The following ABCB5 variants were observed in gnomAD, a reference collection of about 807,000 sequenced individuals.
The protein encoded by ABCB5 is ATP-binding cassette sub-family B member 5.
ABCB5 carries 155 observed loss-of-function variants against 144.2 expected under a neutral mutation model. The ratio of observed to expected loss-of-function variants is 1.08; its 90% CI spans 0.94 to 1.23. The LOEUF is 1.23. Among genes scored for constraint, ABCB5 ranks in the 50% most tolerant of loss-of-function variants. ABCB5 has a pLI of 0.00. For missense variants in ABCB5, 1,830 were observed against 1,520.8 expected, an observed-to-expected ratio of 1.20 and a Z score of -3.38; for synonymous variants, 610 against 528.6, an observed-to-expected ratio of 1.15 and a Z score of -2.11.
chr7:20,677,193 T>C (rs1785644521), intron 14 of ABCB5, among the ~76,000 whole-genome samples: 1 of 152,170 alleles, frequency 6.6e-6, no homozygotes, highest in Admixed American at 6.5e-5. Flanking sequence ...TGCTTTTAAA[T>C]TAAAAATATA....
At chr7:20,698,631 C>G (rs1786505319) in intron 17 of ABCB5, 81 bp downstream of exon 17, 1 of 1,374,070 alleles carries the variant, frequency 7.3e-7, no homozygotes, top group African/African-American at 1.5e-5. Flanking sequence ...TCAGTCTAAA[C>G]CACAAGGGGA....
chr7:20,723,159 A>G lies in ABCB5; in HGVS notation c.2565A>G (p.Glu855=). The G allele has an allele frequency of 1.2e-6, 2 of 1,614,192 alleles. No individual in the cohort carries two copies. The highest frequency in any genetic ancestry group is 3.3e-5 in the Admixed American group (2 of 60,022). Residue 855 remains glutamate (E), a synonymous_variant, in exon 21 of 28, where the codon GAA becomes GAG. Transcript: ENST00000404938. ...APVLAVTGMI[E]TAAMTGFANK... ...TACTTGCCGTGACAGGAATGATTGAAACCGCAGCAATGACTGGATTTGCCA... is the reference window on the plus strand; with the variant it reads ...TACTTGCCGTGACAGGAATGATTGAGACCGCAGCAATGACTGGATTTGCCA...
Position 20,643,541 on chromosome 7 carries a change from T to C in ABCB5, c.587T>C (p.Leu196Pro), listed in dbSNP as rs1784339323. ...FQNMSTFSIGLAVGLVKGWKL... is the reference protein window; with the variant it reads ...FQNMSTFSIGPAVGLVKGWKL... ...AACATGTCTACTTTTTCGATTGGCCTGGCAGTTGGTTTGGTGAAGGGCTGG... is the reference window on the plus strand; with the variant it reads ...AACATGTCTACTTTTTCGATTGGCCCGGCAGTTGGTTTGGTGAAGGGCTGG... Residue 196 changes from leucine (L) to proline (P), a missense_variant, in exon 7 of 28, where the codon CTG (leucine) becomes CCG (proline). Coordinates refer to ENST00000404938, the MANE Select transcript of ABCB5 (RefSeq NM_001163941.2). The C allele has an allele frequency of 1.2e-6, 2 of 1,613,908 alleles. No homozygotes were observed. The highest frequency in any genetic ancestry group is 8.5e-7 in the Non-Finnish European group (1 of 1,179,906).
At chr7:20,717,676 A>T (rs1363541234) in intron 20 of ABCB5, among the ~76,000 whole-genome samples, 1 of 151,700 alleles carries the variant, frequency 6.6e-6, no homozygotes, top group Non-Finnish European at 1.5e-5. Flanking sequence ...TGACCTCATG[A>T]TCTGCCCGCC....
At chr7:20,681,397 A>T in intron 14 of ABCB5, 108 bp from the exon 15 acceptor site, 1 of 1,274,122 alleles carries the variant, frequency 7.8e-7, no homozygotes, top group Non-Finnish European at 1.1e-6. Context: ...AAAGTGCTGG[A>T]ATTACAGGCA....
At chr7:20,695,875 A>G (rs942242677) in intron 16 of ABCB5, among the ~76,000 whole-genome samples, 2 of 152,048 alleles carry the variant, frequency 1.3e-5, no homozygotes. Context: ...AGAAATCACT[A>G]TACACCTGTT....
At chr7:20,666,941 T>A in intron 14 of ABCB5, 1 of 1,195,272 alleles carries the variant, frequency 8.4e-7, no homozygotes, top group African/African-American at 1.6e-5. Context: ...CAAAATCTCT[T>A]CTGTGTTTTA....
intron 25 of ABCB5, among the ~76,000 whole-genome samples, chr7:20,743,507 G>A (rs751146660): frequency 3.9e-5 from 6 of 152,102 alleles, no homozygotes; most frequent in African/African-American, 1.2e-4. Flanking sequence ...GCACGGTTAA[G>A]GCTTATTGGA....
chr7:20,633,463 C>A (rs1784083088), intron 5 of ABCB5, among the ~76,000 whole-genome samples: 1 of 151,896 alleles, frequency 6.6e-6, no homozygotes, highest in Non-Finnish European at 1.5e-5. Flanking sequence ...GGCCTTAATT[C>A]TTTTTTTAAT....
At chr7:20,694,416 C>T (rs1444247827) in intron 16 of ABCB5, among the ~76,000 whole-genome samples, 2 of 151,920 alleles carry the variant, frequency 1.3e-5, no homozygotes, top group Non-Finnish European at 2.9e-5. Flanking sequence ...TAAAATACCC[C>T]ATCATTTTTT....
At chr7:20,642,346 C>T (rs964986615) in intron 5 of ABCB5, among the ~76,000 whole-genome samples, 3 of 152,160 alleles carry the variant, frequency 2.0e-5, no homozygotes, top group Non-Finnish European at 4.4e-5. Flanking sequence ...CCCTGGAATG[C>T]ACTTCCTGCT....
At chr7:20,723,720 C>G (rs766536840) in intron 21 of ABCB5, among the ~76,000 whole-genome samples, 5 of 152,150 alleles carry the variant, frequency 3.3e-5, no homozygotes, top group Admixed American at 1.3e-4. Flanking sequence ...ATTTTCTGGT[C>G]ATTGAATAAT....
chr7:20,636,176 T>G (rs1344316867), intron 5 of ABCB5, among the ~76,000 whole-genome samples: 1 of 152,144 alleles, frequency 6.6e-6, no homozygotes, highest in East Asian at 1.9e-4. Flanking sequence ...TACATAAAAT[T>G]TATTTATATT....
intron 26 of ABCB5, among the ~76,000 whole-genome samples, chr7:20,749,917 T>C (rs1782863498): frequency 6.6e-6 from 1 of 152,202 alleles, no homozygotes; most frequent in Admixed American, 6.5e-5. Flanking sequence ...GGCAATGTTT[T>C]CATGGAACTG....
At chr7:20,724,465 G>A (rs749051192) in intron 21 of ABCB5, among the ~76,000 whole-genome samples, 20 of 151,448 alleles carry the variant, frequency 1.3e-4, no homozygotes, top group Non-Finnish European at 2.4e-4. Context: ...CCATCTCTAC[G>A]AAAAATACAA....
At chr7:20,734,997 C>T (rs1175125410) in intron 23 of ABCB5, among the ~76,000 whole-genome samples, 3 of 152,122 alleles carry the variant, frequency 2.0e-5, no homozygotes, top group Non-Finnish European at 4.4e-5. Flanking sequence ...TTTGCAATAC[C>T]GACCAAGAAC....
At chr7:20,657,011 T>A (rs527797982) in intron 13 of ABCB5, among the ~76,000 whole-genome samples, 4 of 149,358 alleles carry the variant, frequency 2.7e-5, no homozygotes, top group African/African-American at 9.8e-5. Flanking sequence ...CTTCCCAGGC[T>A]CCCAGGCTCA....
chr7:20,708,428 TG>T (rs1583440214), intron 20 of ABCB5, among the ~76,000 whole-genome samples: 1 of 152,112 alleles, frequency 6.6e-6, no homozygotes, highest in Admixed American at 6.5e-5. Flanking sequence ...CGCTCGAGCC[TG>T]GGAGGTCAAG....
Position 20,623,302 on chromosome 7 carries a change from G to A in ABCB5, c.17G>A (p.Arg6Lys). 1 of 1,548,304 alleles carries A rather than the reference G, an allele frequency of 6.5e-7. No individual in the cohort carries two copies. The highest frequency in any genetic ancestry group is 1.2e-5 in the South Asian group (1 of 83,968). Residue 6 changes from arginine (R) to lysine (K), a missense_variant, in exon 2 of 28, where the codon AGA (arginine) becomes AAA (lysine). Arg to Lys is a conservative substitution (Grantham distance 26, BLOSUM62 2). Transcript: ENST00000404938. MENSERAEEMQENYQR... is the reference protein window; with the variant it reads MENSEKAEEMQENYQR... Reference sequence around the variant, plus strand: ...GTAAATAAGATGGAAAATTCAGAAAGAGCTGAAGAAATGCAAGAAAATTAT... The same window carrying A: ...GTAAATAAGATGGAAAATTCAGAAAAAGCTGAAGAAATGCAAGAAAATTAT...
Sources: allele counts gnomAD v4.1 joint callset (sites outside exome capture counted in the v4.1 genomes callset), GRCh38; gene constraint gnomAD v4.1.1; transcripts MANE v1.5; gene names NCBI Gene and HGNC (gene_info 2026-07-23, HGNC 2026-07-21).